SNW1: variants seen among roughly 807,000 people sequenced by gnomAD.
SNW1 encodes SNW domain-containing protein 1.
SNW1 carries 9 observed loss-of-function variants against 75.6 expected under a neutral mutation model. That is an observed-to-expected ratio of 0.12 (90% CI 0.07 to 0.21). The LOEUF (loss-of-function observed/expected upper bound fraction) is 0.21. Ranked by LOEUF, SNW1 falls within the 10% of genes least tolerant of loss-of-function variation. The probability of loss-of-function intolerance (pLI) is 1.00; values close to 1 mark genes in which losing one functional copy is unlikely to be tolerated. For synonymous variants in SNW1, 200 were observed against 219.1 expected (o/e 0.91, Z 0.77); for missense variants, 409 against 670.9 (o/e 0.61, Z 4.31).
chr14:77,736,493 G>A (rs2080672753), intron 6 of SNW1, among the ~76,000 whole-genome samples: 1 of 151,826 alleles, frequency 6.6e-6, no homozygotes, highest in Non-Finnish European at 1.5e-5. Flanking sequence ...AGGTTGCAGT[G>A]AGCTGAGATC....
Position 77,761,117 on chromosome 14 carries a change from G to T in SNW1, c.11C>A (p.Thr4Asn). The T allele has an allele frequency of 1.2e-6, 2 of 1,614,204 alleles. No homozygotes were observed. Among genetic ancestry groups the T allele is most frequent in the Non-Finnish European group, 1.7e-6 (2 of 1,180,048 alleles). ...AGGACCCCAATCAACAACCCACCTG[G>T]TGAGCGCCATCTTCTTCCGCTTCTT... MAL[T>N]SFLPAPTQLS... The change falls in exon 1 of 14, where the codon ACC (threonine) becomes AAC (asparagine). Residue 4 changes from threonine to asparagine, a missense_variant. This residue lies in a region of SNW1 where 73 missense variants were observed against 68.3 expected (regional missense o/e 1.07). Transcript: ENST00000261531.
At chr14:77,750,818 T>C (rs1218292358) in intron 3 of SNW1, among the ~76,000 whole-genome samples, 2 of 152,240 alleles carry the variant, frequency 1.3e-5, no homozygotes, top group African/African-American at 4.8e-5. Flanking sequence ...ATGCTAGTTT[T>C]GTACTTAATC....
intron 2 of SNW1, among the ~76,000 whole-genome samples, chr14:77,752,849 A>G (rs1453158826): frequency 6.6e-6 from 1 of 152,214 alleles, no homozygotes; most frequent in African/African-American, 2.4e-5. Flanking sequence ...CTTATTTGCT[A>G]AAGAGATGTT....
intron 1 of SNW1, among the ~76,000 whole-genome samples, chr14:77,757,224 C>CA (rs201528915): frequency 0.066 from 9,340 of 142,288 alleles, 363 homozygotes; most frequent in Non-Finnish European, 0.097. Context: ...AGACAGAGAC[C>CA]AAAAAAAAAA....
Position 77,717,939 on chromosome 14 carries a change from C to T in SNW1, c.*149G>A. On this transcript the variant is annotated 3_prime_UTR_variant, in exon 14 of 14. Transcript: ENST00000261531. ...AATAATTCAAAGTAGAATTTTCTAT[C>T]CCCCCCATTTCTCCAGTAATAAAAA... 1.6e-6 allele frequency: 1 copy of T among 637,974 alleles called. No individual in the cohort carries two copies. The allele number at this position is 637,974 out of a possible 1,614,324, so 39.5% of individuals were successfully genotyped here. A position where few individuals can be genotyped will look rare whatever the true frequency, so the allele number is the denominator to read the frequency against.
chr14:77,750,137 G>A (rs754741395), intron 3 of SNW1, among the ~76,000 whole-genome samples: 80 of 152,252 alleles, frequency 5.3e-4, no homozygotes, highest in Non-Finnish European at 1.0e-3. Flanking sequence ...GGAGGTCGAG[G>A]CTTCAGTGAG....
chr14:77,719,947 G>A (rs1292758038), intron 12 of SNW1, among the ~76,000 whole-genome samples: 4 of 152,148 alleles, frequency 2.6e-5, no homozygotes, highest in South Asian at 2.1e-4. Context: ...GTGTGCGCAT[G>A]CGCCCGCGTG....
At chr14:77,757,955 GCAAT>G (rs72303996) in intron 1 of SNW1, among the ~76,000 whole-genome samples, 24,138 of 119,942 alleles carry the variant, frequency 0.2, 2,176 homozygotes, top group Non-Finnish European at 0.24. Context: ...TCTATCTATC[GCAAT>G]CAATCAATCA....
At chr14:77,735,862 T>C (rs2139908994) in intron 7 of SNW1, 75 bp downstream of exon 7, 2 of 1,055,294 alleles carry the variant, frequency 1.9e-6, no homozygotes, top group Non-Finnish European at 2.9e-6. Context: ...TGCACCTGTA[T>C]AGGCATAGGG....
intron 1 of SNW1, 99 bp from the exon 2 acceptor site, chr14:77,755,219 T>G (rs2080835419): frequency 9.4e-7 from 1 of 1,067,002 alleles, no homozygotes; most frequent in Non-Finnish European, 1.3e-6. Flanking sequence ...CTACGATGCT[T>G]TTACTTTTCA....
At chr14:77,737,783 G>C (rs1405906638) in intron 5 of SNW1, among the ~76,000 whole-genome samples, 1 of 152,060 alleles carries the variant, frequency 6.6e-6, no homozygotes, top group Non-Finnish European at 1.5e-5. Context: ...CTGAGGTCAG[G>C]AGTTTGAGAC....
chr14:77,758,623 TATG>T (rs2139938422), intron 1 of SNW1, among the ~76,000 whole-genome samples: 2 of 152,326 alleles, frequency 1.3e-5, no homozygotes, highest in Admixed American at 6.5e-5. Flanking sequence ...GAAATTGCAT[TATG>T]ATTTTACTCA....
chr14:77,720,685 A>G (rs778257549), intron 12 of SNW1, 26 bp downstream of exon 12: 16 of 1,420,494 alleles, frequency 1.1e-5, no homozygotes, highest in East Asian at 2.3e-5. Context: ...ATCAACACAC[A>G]CAATATGCTG....
intron 5 of SNW1, among the ~76,000 whole-genome samples, chr14:77,738,508 A>G (rs2080691855): frequency 6.6e-6 from 1 of 152,070 alleles, no homozygotes; most frequent in Non-Finnish European, 1.5e-5. Flanking sequence ...TGAGCCCAGG[A>G]GGTGGGGGCT....
At chr14:77,760,853 A>T (rs1566839590) in intron 1 of SNW1, 1 of 773,668 alleles carries the variant, frequency 1.3e-6, no homozygotes, top group Non-Finnish European at 2.2e-6. Flanking sequence ...CACGCGAAAA[A>T]CCCACTCTTC....
chr14:77,751,124 T>C (rs1021139757), intron 3 of SNW1, among the ~76,000 whole-genome samples, 195 bp downstream of exon 3: 7 of 152,220 alleles, frequency 4.6e-5, no homozygotes, highest in African/African-American at 1.7e-4. Flanking sequence ...AGTGGCTCAC[T>C]GTATCCTCAA....
intron 10 of SNW1, among the ~76,000 whole-genome samples, chr14:77,726,264 G>A (rs2080583881): frequency 6.6e-6 from 1 of 152,176 alleles, no homozygotes; most frequent in African/African-American, 2.4e-5. Context: ...TCCAATTCAT[G>A]AGCATGGGCT....
chr14:77,726,094 T>G (rs1247843070), intron 10 of SNW1, among the ~76,000 whole-genome samples: 1 of 152,202 alleles, frequency 6.6e-6, no homozygotes, highest in African/African-American at 2.4e-5. Context: ...TTCTTTTTAT[T>G]CAGGATTGCT....
At chr14:77,753,916 G>T (rs1030749406) in intron 2 of SNW1, among the ~76,000 whole-genome samples, 3 of 151,502 alleles carry the variant, frequency 2.0e-5, no homozygotes, top group African/African-American at 7.3e-5. Flanking sequence ...TCGCACCACT[G>T]CACTCCAGCC....
Sources: allele counts gnomAD v4.1 joint callset (sites outside exome capture counted in the v4.1 genomes callset), GRCh38; gene constraint gnomAD v4.1.1; regional missense constraint gnomAD v4.1.1; transcripts MANE v1.5; gene names NCBI Gene and HGNC (gene_info 2026-07-23, HGNC 2026-07-21).